Variants in FAM219A observed in about 807,000 individuals in gnomAD.
FAM219A encodes family with sequence similarity 219 member A, also known as protein FAM219A.
FAM219A carries 7 observed loss-of-function variants against 23.4 expected under a neutral mutation model. The ratio of observed to expected loss-of-function variants is 0.30; its 90% confidence interval spans 0.17 to 0.56. The LOEUF is 0.56. FAM219A is among the 20% of genes least tolerant of loss of function. FAM219A has a pLI of 0.92. For synonymous variants in FAM219A, 93 were observed against 99.0 expected (o/e 0.94, Z 0.36); for missense variants, 166 against 246.9 (o/e 0.67, Z 2.20).
intron 1 of FAM219A, among the ~76,000 whole-genome samples, chr9:34,412,945 G>A (rs762730546): frequency 6.6e-6 from 1 of 152,164 alleles, no homozygotes; most frequent in African/African-American, 2.4e-5. Flanking sequence ...GACTGAGAAG[G>A]GAAGGAATGA....
chr9:34,421,005 TGTGTGA>T (rs1223922331), intron 1 of FAM219A, among the ~76,000 whole-genome samples: 18 of 41,456 alleles, frequency 4.3e-4, no homozygotes, highest in African/African-American at 1.4e-3. Flanking sequence ...TGTGTGTGTG[TGTGTGA>T]GAGAGAGAGA....
At chr9:34,408,138 A>C (rs1167413991) in intron 1 of FAM219A, among the ~76,000 whole-genome samples, 1 of 152,220 alleles carries the variant, frequency 6.6e-6, no homozygotes, top group East Asian at 1.9e-4. Flanking sequence ...GAGTAGAAGA[A>C]GGGCAGGAGG....
rs145916874 is a variant in FAM219A at position 34,421,522 on chromosome 9, G to A, written c.61-15558C>T. On this transcript the variant is annotated intron_variant, in intron 1 of 5. Coordinates refer to ENST00000651358, the MANE Select transcript of FAM219A (RefSeq NM_001184940.2). ...CCTGGCTGGTGCAGTGACACTTACCGGCTAACTCATACTCAAGGCATCAAT... is the reference window on the plus strand; with the variant it reads ...CCTGGCTGGTGCAGTGACACTTACCAGCTAACTCATACTCAAGGCATCAAT... Among the ~76,000 whole-genome samples the A allele has an allele frequency of 2.3e-4, 35 of 152,062 alleles. 1 individual carries two copies. Among genetic ancestry groups the A allele is most frequent in the African/African-American group, 8.4e-4 (35 of 41,462 alleles).
chr9:34,424,033 A>C (rs768846265), intron 1 of FAM219A, among the ~76,000 whole-genome samples: 25 of 152,216 alleles, frequency 1.6e-4, no homozygotes, highest in Admixed American at 7.9e-4. Context: ...GAACACCAAT[A>C]TTGAAAAAGT....
At position 34,400,960 on chromosome 9, in the gene FAM219A, C is replaced by G; in HGVS notation, c.*4G>C. 6.5e-7 allele frequency: 1 copy of G among 1,536,606 alleles called. No homozygotes were observed. The highest frequency in any genetic ancestry group is 8.8e-7 in the Non-Finnish European group (1 of 1,136,774). ...CGCCCCGGCGACCGCAGTGGCCCCG[C>G]CCGCTACTGAATGTGGCAGGCGGTG... On this transcript the variant is annotated 3_prime_UTR_variant, in exon 6 of 6. Coordinates refer to ENST00000651358, the MANE Select transcript of FAM219A (RefSeq NM_001184940.2).
chr9:34,458,401 C>T lies in FAM219A; in HGVS notation c.-138G>A. On this transcript the variant is annotated 5_prime_UTR_variant, in exon 1 of 6. Coordinates refer to ENST00000651358, the MANE Select transcript of FAM219A (RefSeq NM_001184940.2). The surrounding 1 kb of genome is among the most constrained non-coding windows in gnomAD (Gnocchi z 6.6). ...ACCACTCGGGCGGGCAGGGGCCGGG[C>T]GGATGCAGGGGTGGGCGGGGGCGAG... 2.1e-6 allele frequency: 1 copy of T among 469,450 alleles called. No individual in the cohort carries two copies. The highest frequency in any genetic ancestry group is 3.2e-6 in the Non-Finnish European group (1 of 311,318). 29.1% of individuals were successfully genotyped at this position (469,450 alleles called of 1,614,324 possible).
chr9:34,434,904 C>T (rs552429173), intron 1 of FAM219A, among the ~76,000 whole-genome samples: 13 of 152,148 alleles, frequency 8.5e-5, no homozygotes, highest in African/African-American at 1.4e-4. Flanking sequence ...ACTGTAACCT[C>T]CACCTCCTGG....
At position 34,418,409 on chromosome 9, in the gene FAM219A, C is replaced by T. The variant is rs1822116368; in HGVS notation, c.61-12445G>A. 3.3e-5 allele frequency among the ~76,000 whole-genome samples: 5 copies of T among 152,184 alleles called. No individual in the cohort carries two copies. In the South Asian group the frequency reaches 1.0e-3, roughly 32 times the overall value. ...CATTTGGGAGATAGGATAAATACCT[C>T]AACTCAGGGATAATCACTGTAGCTA... On this transcript the variant is annotated intron_variant, in intron 1 of 5. Coordinates refer to ENST00000651358, the MANE Select transcript of FAM219A (RefSeq NM_001184940.2).
intron 2 of FAM219A, 112 bp downstream of exon 2, chr9:34,405,753 A>G: frequency 9.6e-7 from 1 of 1,045,124 alleles, no homozygotes; most frequent in Non-Finnish European, 1.4e-6. Context: ...TGAAGGCTTG[A>G]GTCTTGGAAT....
At chr9:34,425,177 G>A (rs1822411634) in intron 1 of FAM219A, among the ~76,000 whole-genome samples, 1 of 151,880 alleles carries the variant, frequency 6.6e-6, no homozygotes, top group African/African-American at 2.4e-5. Context: ...TTCAATAATA[G>A]TTTTCTGTAA....
intron 1 of FAM219A, among the ~76,000 whole-genome samples, chr9:34,425,676 T>G (rs749369423): frequency 6.6e-6 from 1 of 151,946 alleles, no homozygotes; most frequent in Non-Finnish European, 1.5e-5. Flanking sequence ...CACCTATGAG[T>G]GAGTGGGCAG....
chr9:34,420,998 G>A lies in FAM219A; in HGVS notation c.61-15034C>T, dbSNP rs1054783184. ...CGTGTGTGTGTGTGTGTGTATGTGT[G>A]TGTGTGTGTGTGAGAGAGAGAGAGA... On this transcript the variant is annotated intron_variant, in intron 1 of 5. Transcript: ENST00000651358. Among the ~76,000 whole-genome samples the A allele has an allele frequency of 1.4e-3, 140 of 103,306 alleles. 1 individual carries two copies. The highest frequency in any genetic ancestry group is 4.9e-3 in the Middle Eastern group (1 of 206). The allele number at this position is 103,306 out of a possible 152,430, so 67.8% of individuals were successfully genotyped here. A position where few individuals can be genotyped will look rare whatever the true frequency, so the allele number is the denominator to read the frequency against.
Position 34,430,247 on chromosome 9 carries a change from G to C in FAM219A, c.61-24283C>G, listed in dbSNP as rs149205015. ...AGGCTATGCAAAATTAAATAGGCAT[G>C]GTAGGGCTCAGTGGCTCATCCCTGT... On this transcript the variant is annotated intron_variant, in intron 1 of 5. Transcript: ENST00000651358. Among the ~76,000 whole-genome samples the C allele has an allele frequency of 8.4e-3, 1,285 of 152,244 alleles. 14 individuals are homozygous for C. The highest frequency in any genetic ancestry group is 0.014 in the Non-Finnish European group (962 of 68,004).
Position 34,411,692 on chromosome 9 carries a change from AAG to A in FAM219A, c.61-5730_61-5729del, listed in dbSNP as rs1160239934. 7.0e-3 allele frequency among the ~76,000 whole-genome samples: 638 copies of A among 91,466 alleles called. 4 individuals carry two copies. Among genetic ancestry groups the A allele is most frequent in the African/African-American group, 0.028 (598 of 21,074 alleles). The allele number at this position is 91,466 out of a possible 152,430, so 60.0% of individuals were successfully genotyped here. On this transcript the variant is annotated intron_variant, in intron 1 of 5. Coordinates refer to ENST00000651358, the MANE Select transcript of FAM219A (RefSeq NM_001184940.2). ...ACTCCGTCTCAAAAAAAAAAAAAAA[AAG>A]AAAGAAAGAAAGAAAAGAAAACAGT... is the stretch of plus-strand genomic sequence containing the variant.
chr9:34,434,976 C>T (rs374626995), intron 1 of FAM219A, among the ~76,000 whole-genome samples: 6 of 152,142 alleles, frequency 3.9e-5, no homozygotes, highest in African/African-American at 1.4e-4. Context: ...TGTGCCACCA[C>T]ATCTGGCTAA....
intron 1 of FAM219A, among the ~76,000 whole-genome samples, chr9:34,439,354 T>C (rs1429278372): frequency 6.6e-6 from 1 of 152,136 alleles, no homozygotes. Flanking sequence ...TAGAAGACAA[T>C]TCATTCAGTC....
chr9:34,408,857 T>G (rs10120773), intron 1 of FAM219A, among the ~76,000 whole-genome samples: 34,041 of 152,184 alleles, frequency 0.22, 4,208 homozygotes, highest in African/African-American at 0.33. Flanking sequence ...AAAAACACAA[T>G]CCGTTAGACA....
Position 34,417,806 on chromosome 9 carries a change from T to C in FAM219A, c.61-11842A>G, listed in dbSNP as rs1423404915. Reference sequence around the variant, plus strand: ...TTCTTTCATAGAACAGAATTTCCTCTGGGCATCACCTGCCAGACAAAATAC... The same window carrying C: ...TTCTTTCATAGAACAGAATTTCCTCCGGGCATCACCTGCCAGACAAAATAC... On this transcript the variant is annotated intron_variant, in intron 1 of 5. Transcript: ENST00000651358. This position sits in a 1 kb window ranked among gnomAD's most constrained non-coding sequence, Gnocchi z 4.1. Among the ~76,000 whole-genome samples the C allele has an allele frequency of 6.6e-6, 1 of 152,214 alleles. No homozygotes were observed. Among genetic ancestry groups the C allele is most frequent in the African/African-American group, 2.4e-5 (1 of 41,446 alleles).
chr9:34,406,432 G>T, intron 1 of FAM219A: 1 of 985,332 alleles, frequency 1.0e-6, no homozygotes, highest in Non-Finnish European at 1.2e-6. Context: ...TGCTGGACAG[G>T]TCCCTTCACA....
Sources: gnomAD v4.1 joint callset for allele counts (sites outside exome capture counted in the v4.1 genomes callset) on GRCh38, gnomAD v4.1.1 for gene constraint, Gnocchi (gnomAD v3.1) non-coding constraint, MANE v1.5 for transcripts, NCBI Gene and HGNC (gene_info 2026-07-23, HGNC 2026-07-21) for gene names.